HPSE2: variants seen among roughly 807,000 people sequenced by gnomAD.
HPSE2 encodes the protein heparanase 2 (inactive), also known as inactive heparanase-2.
In HPSE2, 38 loss-of-function variants were observed where a neutral mutation model predicts 60.5. The observed-to-expected ratio is 0.63, with a 90% CI of 0.48 to 0.82. The LOEUF is 0.82. Among genes scored for constraint, HPSE2 ranks in the 40% least tolerant of loss-of-function variants. The pLI is 0.00. For synonymous variants in HPSE2, 295 were observed against 293.2 expected (o/e 1.01, Z -0.06); for missense variants, 713 against 740.4 (o/e 0.96, Z 0.43).
intron 3 of HPSE2, among the ~76,000 whole-genome samples, chr10:98,954,341 A>G (rs941707771): frequency 2.0e-5 from 3 of 152,010 alleles, no homozygotes; most frequent in Non-Finnish European, 4.4e-5. Flanking sequence ...AAAGAGCACT[A>G]AGTTTGGGGA....
intron 3 of HPSE2, among the ~76,000 whole-genome samples, chr10:99,027,492 C>T (rs1270212187): frequency 6.6e-6 from 1 of 152,122 alleles, no homozygotes; most frequent in African/African-American, 2.4e-5. Flanking sequence ...AAAGAAAAGC[C>T]TGGGGCCTGA....
chr10:99,007,738 A>G (rs1956925860), intron 3 of HPSE2, among the ~76,000 whole-genome samples: 1 of 152,230 alleles, frequency 6.6e-6, no homozygotes, highest in Admixed American at 6.5e-5. Context: ...TCCTACAGTC[A>G]TAACACAAAA....
At chr10:98,797,602 G>A (rs1950805659) in intron 3 of HPSE2, among the ~76,000 whole-genome samples, 1 of 152,068 alleles carries the variant, frequency 6.6e-6, no homozygotes, top group East Asian at 1.9e-4. Flanking sequence ...CCAGCACTTT[G>A]GGAGGCCGAG....
chr10:98,546,792 A>C (rs1423299910), intron 9 of HPSE2, among the ~76,000 whole-genome samples: 37 of 151,166 alleles, frequency 2.4e-4, no homozygotes, highest in African/African-American at 8.3e-4. Context: ...ACAAAAGCCA[A>C]AATTGACAAA....
At chr10:98,684,509 A>G (rs537864428) in intron 6 of HPSE2, among the ~76,000 whole-genome samples, 15 of 152,356 alleles carry the variant, frequency 9.8e-5, no homozygotes, top group Non-Finnish European at 1.8e-4. Flanking sequence ...CCCTGCTGTG[A>G]ATAATATTTA....
intron 9 of HPSE2, among the ~76,000 whole-genome samples, chr10:98,515,232 A>G (rs1487697446): frequency 6.6e-6 from 1 of 152,152 alleles, no homozygotes; most frequent in African/African-American, 2.4e-5. Context: ...GGGTGCCGAC[A>G]TCTAGATCTC....
chr10:98,508,731 T>C (rs536300494), intron 9 of HPSE2, among the ~76,000 whole-genome samples: 33 of 152,152 alleles, frequency 2.2e-4, no homozygotes, highest in Admixed American at 5.9e-4. Context: ...GGACATAAAG[T>C]GTTTGGGGCA....
intron 3 of HPSE2, among the ~76,000 whole-genome samples, chr10:98,905,140 G>A (rs979199745): frequency 5.3e-5 from 8 of 151,758 alleles, no homozygotes; most frequent in Non-Finnish European, 1.0e-4. Context: ...ACTTTTATAC[G>A]ATTACTAACA....
chr10:98,622,479 A>G (rs1039176382), intron 7 of HPSE2, among the ~76,000 whole-genome samples: 7 of 152,218 alleles, frequency 4.6e-5, no homozygotes, highest in Non-Finnish European at 7.3e-5. Flanking sequence ...AAGAAAAAAT[A>G]TATGTGCCAA....
intron 9 of HPSE2, among the ~76,000 whole-genome samples, chr10:98,565,115 A>G (rs1288882188): frequency 6.6e-6 from 1 of 151,058 alleles, no homozygotes; most frequent in Non-Finnish European, 1.5e-5. Flanking sequence ...GGAATGAGGG[A>G]AAAAGAAACA....
chr10:99,297,642 G>A, the HPSE2 span, among the ~76,000 whole-genome samples: 133,623 of 152,166 alleles, frequency 0.88, 58,895 homozygotes, highest in African/African-American at 0.94. Context: ...TAATTATAAC[G>A]AGACACTTGA....
intron 4 of HPSE2, among the ~76,000 whole-genome samples, chr10:98,739,368 G>T (rs1450855745): frequency 6.6e-6 from 1 of 151,458 alleles, no homozygotes; most frequent in Non-Finnish European, 1.5e-5. Flanking sequence ...AATACCTAGT[G>T]TAGATGACAG....
intron 6 of HPSE2, among the ~76,000 whole-genome samples, chr10:98,674,662 C>T (rs1412874522): frequency 6.6e-6 from 1 of 152,170 alleles, no homozygotes; most frequent in East Asian, 1.9e-4. Flanking sequence ...GGTCTGTAAT[C>T]CCAGCACTTT....
At chr10:98,938,204 A>T (rs1318725758) in intron 3 of HPSE2, among the ~76,000 whole-genome samples, 2 of 145,108 alleles carry the variant, frequency 1.4e-5, no homozygotes, top group African/African-American at 5.6e-5. Flanking sequence ...AAAGGAACGC[A>T]GTTCCTCACC....
intron 3 of HPSE2, among the ~76,000 whole-genome samples, chr10:99,111,562 C>T (rs569445600): frequency 6.6e-6 from 1 of 152,260 alleles, no homozygotes; most frequent in African/African-American, 2.4e-5. Context: ...TCAAATTGTT[C>T]AACAATTCGA....
At chr10:99,205,363 T>C (rs1848711045) in intron 2 of HPSE2, among the ~76,000 whole-genome samples, 1 of 151,296 alleles carries the variant, frequency 6.6e-6, no homozygotes. Context: ...CTGAGGCGAG[T>C]GGATCATGAG....
the HPSE2 span, among the ~76,000 whole-genome samples, chr10:99,257,097 C>T: frequency 2.6e-4 from 40 of 152,314 alleles, 1 homozygote; most frequent in East Asian, 4.6e-3. Context: ...TGATTTCCTA[C>T]GCCTGTCTTT....
At chr10:99,235,454 A>G (rs1423450818) in intron 1 of HPSE2, 59 bp downstream of exon 1, 3 of 1,454,730 alleles carry the variant, frequency 2.1e-6, no homozygotes, top group Non-Finnish European at 1.9e-6. Flanking sequence ...GGGGATAGGA[A>G]GGGCTTGAGG....
At chr10:98,585,109 G>A (rs758415269) in intron 9 of HPSE2, among the ~76,000 whole-genome samples, 2 of 152,088 alleles carry the variant, frequency 1.3e-5, no homozygotes, top group South Asian at 4.2e-4. Context: ...TGGTCTACTG[G>A]TGCTACATGG....
Sources: allele counts gnomAD v4.1 joint callset (sites outside exome capture counted in the v4.1 genomes callset), GRCh38; gene constraint gnomAD v4.1.1; transcripts MANE v1.5; gene names NCBI Gene and HGNC (gene_info 2026-07-23, HGNC 2026-07-21).